Variants in CSRNP3 observed in about 807,000 individuals in gnomAD.
The protein encoded by CSRNP3 is cysteine/serine-rich nuclear protein 3.
In CSRNP3, 12 loss-of-function variants were observed where a neutral mutation model predicts 48.0. The observed-to-expected ratio is 0.25, with a 90% CI of 0.16 to 0.41. The LOEUF (loss-of-function observed/expected upper bound fraction) is 0.41, where lower values mean the gene tolerates loss of function less well. Among genes scored for constraint, CSRNP3 ranks in the 10% least tolerant of loss-of-function variants. The pLI is 1.00. For synonymous variants in CSRNP3, 263 were observed against 269.7 expected, an observed-to-expected ratio of 0.98 and a Z score of 0.24; for missense variants, 580 against 724.4, an observed-to-expected ratio of 0.80 and a Z score of 2.29.
intron 3 of CSRNP3, chr2:165,574,158 T>C: frequency 2.0e-6 from 1 of 493,856 alleles, no homozygotes; most frequent in South Asian, 3.5e-5. Flanking sequence ...AGTTCCACAA[T>C]TCCTTACCCA....
chr2:165,603,100 T>C (rs1287908122), intron 4 of CSRNP3, among the ~76,000 whole-genome samples: 1 of 151,970 alleles, frequency 6.6e-6, no homozygotes, highest in Non-Finnish European at 1.5e-5. Context: ...CTTCACCGTG[T>C]TAGCCAGGAT....
chr2:165,581,632 G>C (rs1574847505), intron 3 of CSRNP3, among the ~76,000 whole-genome samples: 2 of 151,172 alleles, frequency 1.3e-5, no homozygotes, highest in East Asian at 3.9e-4. Flanking sequence ...TGCCTCCTGG[G>C]TTCAAGCGAA....
At chr2:165,505,349 A>C (rs1310998255) in intron 2 of CSRNP3, among the ~76,000 whole-genome samples, 1 of 152,178 alleles carries the variant, frequency 6.6e-6, no homozygotes, top group African/African-American at 2.4e-5. Flanking sequence ...TCAAAACATT[A>C]GGTTTCAGGA....
intron 4 of CSRNP3, among the ~76,000 whole-genome samples, chr2:165,601,758 T>A (rs2105301954): frequency 6.6e-6 from 1 of 152,146 alleles, no homozygotes; most frequent in African/African-American, 2.4e-5. Context: ...AAGTCAGTCT[T>A]TCCCCAGTGT....
rs140000327 is a variant in CSRNP3, at chr2:165,525,476, T to C, written c.-24+7515T>C. On this transcript the variant is annotated intron_variant, in intron 3 of 6. Transcript: ENST00000651982. ...TTTTGATGTTTATATATTTCTTTTT[T>C]TTCTTCTTCTTCTTTTTTTTTTTTT... Among the ~76,000 whole-genome samples, 27 of 151,414 alleles carry C rather than the reference T, an allele frequency of 1.8e-4. No homozygotes were observed. In the East Asian group the frequency reaches 3.1e-3, roughly 17 times the overall value.
rs1224155895 is a variant in CSRNP3 at position 165,685,128 on chromosome 2, A to C, written c.*5375A>C. 6.6e-6 allele frequency: 1 copy of C among 152,146 alleles called. No homozygotes were observed. The highest frequency in any genetic ancestry group is 1.5e-5 in the Non-Finnish European group (1 of 68,010). 9.4% of individuals were successfully genotyped at this position (152,146 alleles called of 1,614,324 possible). A position where few individuals can be genotyped will look rare whatever the true frequency, so the allele number is the denominator to read the frequency against. ...TTAAAATAAGTGATCAATGACTTTCATGATTGTCAAAAGTAAAAAGTGCAG... is the reference window on the plus strand; with the variant it reads ...TTAAAATAAGTGATCAATGACTTTCCTGATTGTCAAAAGTAAAAAGTGCAG... On this transcript the variant is annotated 3_prime_UTR_variant, in exon 7 of 7. Transcript: ENST00000651982.
At chr2:165,487,874 G>C (rs1413149961) in intron 1 of CSRNP3, among the ~76,000 whole-genome samples, 7 of 143,594 alleles carry the variant, frequency 4.9e-5, no homozygotes, top group Non-Finnish European at 9.1e-5. Context: ...AGACTAGGAA[G>C]AAACTGCATC....
In CSRNP3 at chr2:165,479,686, A is replaced by T. The variant is rs147021168; in HGVS notation, c.-283+9946A>T. On this transcript the variant is annotated intron_variant, in intron 1 of 6. Transcript: ENST00000651982. ...GTTTGCTTGAGCTCAGGAGTTCAAGATGCGCCTGGGCAACATAGTGAGACC... is the reference window on the plus strand; with the variant it reads ...GTTTGCTTGAGCTCAGGAGTTCAAGTTGCGCCTGGGCAACATAGTGAGACC... Among the ~76,000 whole-genome samples, 473 of 152,210 alleles carry T rather than the reference A, an allele frequency of 3.1e-3. 4 individuals are homozygous for T. The highest frequency in any genetic ancestry group is 0.01 in the African/African-American group (430 of 41,530).
intron 5 of CSRNP3, among the ~76,000 whole-genome samples, chr2:165,667,077 GAGA>G: frequency 1.7e-5 from 1 of 60,416 alleles, no homozygotes; most frequent in Non-Finnish European, 4.0e-5. Flanking sequence ...GAAAGAGAGA[GAGA>G]AAGAAAGAGA....
chr2:165,527,494 C>T (rs1348154029), intron 3 of CSRNP3, among the ~76,000 whole-genome samples: 1 of 151,898 alleles, frequency 6.6e-6, no homozygotes, highest in Non-Finnish European at 1.5e-5. Flanking sequence ...CATAAGCCAC[C>T]GTGCCCGGCC....
chr2:165,483,906 A>G (rs111644855), intron 1 of CSRNP3, among the ~76,000 whole-genome samples: 1,870 of 151,778 alleles, frequency 0.012, 43 homozygotes, highest in African/African-American at 0.042. Flanking sequence ...AGACCCTAGC[A>G]TTCTATTGAA....
chr2:165,624,661 A>G lies in CSRNP3; in HGVS notation c.148+29448A>G, dbSNP rs556021819. 7.2e-5 allele frequency among the ~76,000 whole-genome samples: 11 copies of G among 152,178 alleles called. No homozygotes were observed. In the East Asian group the frequency reaches 1.9e-3, roughly 27 times the overall value. ...CTCTTAACTAAGAAGCCTTCTTTTC[A>G]TCCTACAGCCCACGAAGAAAGCAAA... On this transcript the variant is annotated intron_variant, in intron 4 of 6. Coordinates refer to ENST00000651982, the MANE Select transcript of CSRNP3 (RefSeq NM_001172173.2).
At chr2:165,578,016 A>G (rs547513394) in intron 3 of CSRNP3, among the ~76,000 whole-genome samples, 1 of 152,200 alleles carries the variant, frequency 6.6e-6, no homozygotes, top group South Asian at 2.1e-4. Context: ...TTTTGTTAGT[A>G]CAATGAGAAT....
chr2:165,594,904 ATCTGC>A, intron 3 of CSRNP3, 134 bp from the exon 4 acceptor site: 2 of 546,128 alleles, frequency 3.7e-6, no homozygotes, highest in Non-Finnish European at 6.1e-6. Flanking sequence ...AGAAAAAAAA[ATCTGC>A]TAAAGATCCT....
At chr2:165,657,727 C>T in intron 4 of CSRNP3, 34 bp from the exon 5 acceptor site, 1 of 1,604,302 alleles carries the variant, frequency 6.2e-7, no homozygotes, top group African/African-American at 1.3e-5. Flanking sequence ...ACTGCTGCCC[C>T]AAGTGTTCAC....
chr2:165,541,805 A>T (rs967585376), intron 3 of CSRNP3, among the ~76,000 whole-genome samples: 1 of 152,050 alleles, frequency 6.6e-6, no homozygotes, highest in African/African-American at 2.4e-5. Flanking sequence ...AGCCTTGATC[A>T]CCCCAGTGTA....
At chr2:165,655,296 A>T (rs752830268) in intron 4 of CSRNP3, among the ~76,000 whole-genome samples, 1 of 152,190 alleles carries the variant, frequency 6.6e-6, no homozygotes, top group Non-Finnish European at 1.5e-5. Flanking sequence ...GGTAGCGAAA[A>T]GACTGTGCTC....
At chr2:165,536,278 C>T (rs940461800) in intron 3 of CSRNP3, among the ~76,000 whole-genome samples, 1 of 151,896 alleles carries the variant, frequency 6.6e-6, no homozygotes, top group South Asian at 2.1e-4. Flanking sequence ...ATTCATCTGA[C>T]CTCAGATTAC....
chr2:165,616,744 A>T (rs962738758), intron 4 of CSRNP3, among the ~76,000 whole-genome samples: 4 of 152,166 alleles, frequency 2.6e-5, no homozygotes, highest in Non-Finnish European at 2.9e-5. Flanking sequence ...ATCTTTTTGA[A>T]TTAAATATAT....
Sources: allele counts gnomAD v4.1 joint callset (sites outside exome capture counted in the v4.1 genomes callset), GRCh38; gene constraint gnomAD v4.1.1; transcripts MANE v1.5; gene names NCBI Gene and HGNC (gene_info 2026-07-23, HGNC 2026-07-21).